The following VPS13C variants were observed in gnomAD, a reference collection of about 807,000 sequenced individuals.
The protein encoded by VPS13C is vacuolar protein sorting 13 homolog C, also known as intermembrane lipid transfer protein VPS13C.
In VPS13C, 358 loss-of-function variants were observed where a neutral mutation model predicts 456.8. The observed-to-expected ratio is 0.78, with a 90% CI of 0.72 to 0.86. The LOEUF is 0.86. VPS13C is among the 40% of genes least tolerant of loss of function. VPS13C has a pLI of 0.00. For missense variants in VPS13C, 4,818 were observed against 4,385.4 expected (o/e 1.10, Z -2.79); for synonymous variants, 1,578 against 1,486.7 (o/e 1.06, Z -1.41).
chr15:61,964,407 G>C (rs74394167), intron 31 of VPS13C, among the ~76,000 whole-genome samples: 1,778 of 152,042 alleles, frequency 0.012, 44 homozygotes, highest in African/African-American at 0.041. Flanking sequence ...AGCCCCTTCA[G>C]GAGCCACTGA....
chr15:61,963,934 CT>C lies in VPS13C; in HGVS notation c.3231del (p.Asp1078IlefsTer13). The C allele has an allele frequency of 6.2e-7, 1 of 1,606,870 alleles. No homozygotes were observed. Among genetic ancestry groups the C allele is most frequent in the Non-Finnish European group, 8.5e-7 (1 of 1,174,548 alleles). The stretch of plus-strand genomic sequence containing the variant: ...AGCCTGAAATCAATAATGTCACTAT[CT>C]CTGGAGGATACAATCGCTAAAAATA... The part of the protein sequence containing the change: ...STLPKAIVSS[R>X]DSDIIDFRLF... On this transcript the variant is annotated frameshift_variant, in exon 32 of 85. Transcript: ENST00000644861. LOFTEE classifies it high-confidence loss of function.
intron 30 of VPS13C, 49 bp downstream of exon 30, chr15:61,966,034 G>T: frequency 1.4e-6 from 2 of 1,442,774 alleles, no homozygotes; most frequent in South Asian, 2.5e-5. Context: ...GAGGCTTTGA[G>T]ACTAGGTTAT....
rs777765610 is a variant in VPS13C at position 62,007,314 on chromosome 15, T to G, written c.1284A>C (p.Glu428Asp). The G allele has an allele frequency of 2.5e-6, 4 of 1,605,134 alleles. No homozygotes were observed. The East Asian group carries it at 9.0e-5, about 36-fold the overall frequency. The change falls in exon 15 of 85, where the codon GAA becomes GAC. Residue 428 changes from glutamate to aspartate, a missense_variant. Glu to Asp is a conservative substitution (Grantham distance 45). Coordinates refer to ENST00000644861, the MANE Select transcript of VPS13C (RefSeq NM_020821.3). ...TAATATATGCAAGATATACCTGAAT[T>G]TCTTTCTGTATTTCTTCTGAGACTT... ...QSKVSEEIQKEIQDLEKTLDV... is the reference protein window; with the variant it reads ...QSKVSEEIQKDIQDLEKTLDV...
chr15:61,978,635 C>T lies in VPS13C; in HGVS notation c.2281G>A (p.Ala761Thr), dbSNP rs550589608. The T allele has an allele frequency of 9.3e-6, 15 of 1,609,810 alleles. No homozygotes were observed. Among genetic ancestry groups the T allele is most frequent in the Non-Finnish European group, 1.2e-5 (14 of 1,178,688 alleles). ...CTGAATAACGGTTTACCTGCTCTTGCAAAAAGTAGTTGTACATTTTTTATT... is the reference window on the plus strand; with the variant it reads ...CTGAATAACGGTTTACCTGCTCTTGTAAAAAGTAGTTGTACATTTTTTATT... ...VEIKNVQLLF[A>T]RAEETWKKCR... The change falls in exon 23 of 85, where the codon GCA becomes ACA. Residue 761 changes from alanine (A) to threonine (T), a missense_variant. Coordinates refer to ENST00000644861, the MANE Select transcript of VPS13C (RefSeq NM_020821.3).
intron 1 of VPS13C, among the ~76,000 whole-genome samples, chr15:62,051,178 C>T (rs187431072): frequency 1.3e-4 from 20 of 152,206 alleles, no homozygotes; most frequent in Admixed American, 7.9e-4. Context: ...TCTTATGGTG[C>T]GTAACACTTA....
intron 14 of VPS13C, among the ~76,000 whole-genome samples, chr15:62,007,793 T>C (rs1477394658): frequency 2.0e-5 from 3 of 152,144 alleles, no homozygotes; most frequent in African/African-American, 7.2e-5. Context: ...TATAAAAATG[T>C]TGAATGTCTT....
At chr15:61,938,545 A>T (rs1195144465) in intron 47 of VPS13C, among the ~76,000 whole-genome samples, 1 of 152,202 alleles carries the variant, frequency 6.6e-6, no homozygotes, top group East Asian at 1.9e-4. Context: ...TGGTGGCCTC[A>T]TCCACTGTTG....
chr15:62,034,933 T>C lies in VPS13C; in HGVS notation c.283+24A>G, dbSNP rs574266017. 9.0e-5 allele frequency: 133 copies of C among 1,482,360 alleles called. 2 individuals carry two copies. Among genetic ancestry groups the C allele is most frequent in the South Asian group, 7.6e-4 (58 of 76,302 alleles). The allele number at this position is 1,482,360 out of a possible 1,614,324, so 91.8% of individuals were successfully genotyped here. A position where few individuals can be genotyped will look rare whatever the true frequency, so the allele number is the denominator to read the frequency against. On this transcript the variant is annotated intron_variant, in intron 4 of 84. Transcript: ENST00000644861. ...TTAATTTCAATGTGATGTTATTGAA[T>C]GGTTATAACCTAAAATAACATACTT...
At chr15:61,907,512 C>A in intron 65 of VPS13C, 122 bp from the exon 66 acceptor site, 2 of 1,273,258 alleles carry the variant, frequency 1.6e-6, no homozygotes, top group Non-Finnish European at 2.1e-6. Context: ...TAATAAAACA[C>A]AACTCTACCT....
chr15:61,914,878 TAAAAAAAAAAAAAAAA>T (rs60910951), intron 61 of VPS13C, among the ~76,000 whole-genome samples: 94 of 102,054 alleles, frequency 9.2e-4, no homozygotes, highest in African/African-American at 3.3e-3. Flanking sequence ...AACTCTGCCT[TAAAAAAAAAAAAAAAA>T]AAAAAAAAAA....
intron 54 of VPS13C, 91 bp downstream of exon 54, chr15:61,922,306 G>A: frequency 6.9e-7 from 1 of 1,459,250 alleles, no homozygotes; most frequent in South Asian, 1.4e-5. Flanking sequence ...TGTACTCATA[G>A]TGGCCATGCA....
At position 61,961,878 on chromosome 15, in the gene VPS13C, A is replaced by T. The variant is rs1388478783; in HGVS notation, c.3619T>A (p.Phe1207Ile). The T allele has an allele frequency of 1.9e-6, 3 of 1,611,466 alleles. No individual in the cohort carries two copies. The highest frequency in any genetic ancestry group is 2.5e-6 in the Non-Finnish European group (3 of 1,178,902). ...CTCAGAGACTCTTTGGCTGTCTGGA[A>T]ATTATTCAGGAAGTTCTGTGGACAC... is the stretch of plus-strand genomic sequence containing the variant. ...LMSLLNFLNN[F>I]QTAKESLSAA... The change falls in exon 35 of 85, where the codon TTC becomes ATC. Residue 1207 changes from phenylalanine to isoleucine, a missense_variant. Transcript: ENST00000644861.
intron 17 of VPS13C, among the ~76,000 whole-genome samples, chr15:61,991,432 A>T (rs900220202): frequency 6.6e-6 from 1 of 152,220 alleles, no homozygotes; most frequent in Non-Finnish European, 1.5e-5. Flanking sequence ...TTAAATTTAA[A>T]CATTTTAAAT....
At chr15:61,893,923 C>A (rs777568349) in intron 66 of VPS13C, among the ~76,000 whole-genome samples, 23 of 151,706 alleles carry the variant, frequency 1.5e-4, no homozygotes, top group Non-Finnish European at 2.5e-4. Flanking sequence ...AAATGCAAAG[C>A]AATGAACTAA....
At chr15:61,914,878 TAAAAAAAAAAA>T (rs60910951) in intron 61 of VPS13C, among the ~76,000 whole-genome samples, 50,337 of 102,532 alleles carry the variant, frequency 0.49, 11,193 homozygotes, top group Middle Eastern at 0.7. Context: ...AACTCTGCCT[TAAAAAAAAAAA>T]AAAAAAAAAA....
Position 61,881,744 on chromosome 15 carries a change from T to C in VPS13C, c.9706+3A>G. The stretch of plus-strand genomic sequence containing the variant: ...ATCTATGTCACAACTTATTTTATTT[T>C]ACCTGAATCTAAAGCAATAGATTTT... On this transcript the variant is annotated splice_donor_region_variant and intron_variant, in intron 70 of 84. Transcript: ENST00000644861. 1 of 1,608,908 alleles carries C rather than the reference T, an allele frequency of 6.2e-7. No homozygotes were observed. The highest frequency in any genetic ancestry group is 1.1e-5 in the South Asian group (1 of 89,732).
chr15:61,996,876 C>T (rs2046400136), intron 16 of VPS13C, among the ~76,000 whole-genome samples: 2 of 149,142 alleles, frequency 1.3e-5, no homozygotes, highest in Non-Finnish European at 3.0e-5. Context: ...AATACACACA[C>T]ACACACACAC....
intron 2 of VPS13C, among the ~76,000 whole-genome samples, chr15:62,042,708 T>C (rs1325203828): frequency 6.6e-6 from 1 of 152,000 alleles, no homozygotes; most frequent in East Asian, 1.9e-4. Flanking sequence ...ATAACCCATA[T>C]AAAAGTAAAA....
chr15:62,032,293 T>A (rs12913358), intron 5 of VPS13C, among the ~76,000 whole-genome samples: 2 of 151,696 alleles, frequency 1.3e-5, no homozygotes, highest in Non-Finnish European at 3.0e-5. Flanking sequence ...AAACCATTCT[T>A]GGCTTGCTTT....
Sources: allele counts gnomAD v4.1 joint callset (sites outside exome capture counted in the v4.1 genomes callset), GRCh38; gene constraint gnomAD v4.1.1; transcripts MANE v1.5; gene names NCBI Gene and HGNC (gene_info 2026-07-23, HGNC 2026-07-21).